Variants in GRIP1 observed in about 807,000 individuals in gnomAD.
GRIP1 encodes glutamate receptor interacting protein 1.
A neutral mutation model predicts 129.9 loss-of-function variants in GRIP1; 45 were observed. That is an observed-to-expected ratio of 0.35 (90% CI 0.27 to 0.44). The LOEUF (loss-of-function observed/expected upper bound fraction) is 0.44, where lower values mean the gene tolerates loss of function less well. Ranked by LOEUF, GRIP1 falls within the 20% of genes least tolerant of loss-of-function variation. GRIP1 has a pLI of 1.00. For synonymous variants in GRIP1, 530 were observed against 520.8 expected, an observed-to-expected ratio of 1.02 and a Z score of -0.24; for missense variants, 1,196 against 1,396.8, an observed-to-expected ratio of 0.86 and a Z score of 2.29.
At chr12:66,642,273 AGAGAACTC>A (rs2031999255) in intron 1 of GRIP1, among the ~76,000 whole-genome samples, 2 of 148,706 alleles carry the variant, frequency 1.3e-5, no homozygotes, top group South Asian at 4.2e-4. Flanking sequence ...GATGGAGAGG[AGAGAACTC>A]CAGCAAGAGG....
intron 11 of GRIP1, among the ~76,000 whole-genome samples, chr12:66,453,647 T>C (rs1415025658): frequency 6.6e-6 from 1 of 152,228 alleles, no homozygotes; most frequent in Non-Finnish European, 1.5e-5. Context: ...TAAACACATA[T>C]ACACATGCAA....
At chr12:66,384,187 G>C (rs547485233) in intron 19 of GRIP1, among the ~76,000 whole-genome samples, 1 of 143,140 alleles carries the variant, frequency 7.0e-6, no homozygotes, top group African/African-American at 2.6e-5. Flanking sequence ...TCTGACTTGC[G>C]TCTTATTTAA....
At chr12:66,966,926 T>C (rs2042006045) in intron 1 of GRIP1, among the ~76,000 whole-genome samples, 1 of 152,198 alleles carries the variant, frequency 6.6e-6, no homozygotes. Context: ...AGTGGAAAAT[T>C]ACCACTTTCT....
intron 7 of GRIP1, among the ~76,000 whole-genome samples, chr12:66,501,899 G>C (rs1046491224): frequency 1.3e-5 from 2 of 152,148 alleles, no homozygotes; most frequent in Admixed American, 6.6e-5. Flanking sequence ...TACACCTACT[G>C]TGAGAATGCT....
intron 1 of GRIP1, among the ~76,000 whole-genome samples, chr12:67,015,473 G>C (rs1280599150): frequency 6.6e-6 from 1 of 152,132 alleles, no homozygotes; most frequent in Non-Finnish European, 1.5e-5. Flanking sequence ...AGACAGACTG[G>C]CATCTTCACT....
chr12:66,459,351 A>G (rs1020703038), intron 9 of GRIP1, among the ~76,000 whole-genome samples: 1 of 152,220 alleles, frequency 6.6e-6, no homozygotes, highest in Non-Finnish European at 1.5e-5. Flanking sequence ...AGCAAGACGC[A>G]GTTATTACTG....
At chr12:66,410,331 G>C (rs2057351094) in intron 15 of GRIP1, among the ~76,000 whole-genome samples, 1 of 142,560 alleles carries the variant, frequency 7.0e-6, no homozygotes, top group Non-Finnish European at 1.5e-5. Context: ...CAGAGAAGAT[G>C]AAAGAAAAAA....
chr12:66,369,071 T>C (rs1199711312), intron 23 of GRIP1, among the ~76,000 whole-genome samples: 1 of 152,200 alleles, frequency 6.6e-6, no homozygotes, highest in Admixed American at 6.5e-5. Flanking sequence ...ACACCACTTA[T>C]TTTTTAGAGC....
At chr12:66,587,325 CAACCTTGGCCTTTGGAGGCA>C (rs1278990052) in intron 2 of GRIP1, among the ~76,000 whole-genome samples, 2 of 152,254 alleles carry the variant, frequency 1.3e-5, no homozygotes, top group African/African-American at 2.4e-5. Context: ...TCATGGAGGC[CAACCTTGGCCTTTGGAGGCA>C]ATGGAGGCCT....
intron 7 of GRIP1, among the ~76,000 whole-genome samples, chr12:66,469,566 T>TA (rs2059379972): frequency 6.6e-6 from 1 of 152,152 alleles, no homozygotes; most frequent in Non-Finnish European, 1.5e-5. Context: ...GCTTCCACAT[T>TA]AAGAAGTTTC....
At chr12:67,047,686 A>G (rs777741041) in intron 1 of GRIP1, among the ~76,000 whole-genome samples, 3 of 152,170 alleles carry the variant, frequency 2.0e-5, no homozygotes, top group Non-Finnish European at 4.4e-5. Flanking sequence ...AGCACTGCAC[A>G]TTTAGGTTGC....
chr12:66,564,844 T>C (rs1339799338), intron 2 of GRIP1, among the ~76,000 whole-genome samples: 2 of 152,224 alleles, frequency 1.3e-5, no homozygotes, highest in East Asian at 3.8e-4. Context: ...TGGTATCTCC[T>C]TGTGGTTTTG....
chr12:66,669,596 C>T (rs2033976086), intron 1 of GRIP1, among the ~76,000 whole-genome samples: 1 of 152,054 alleles, frequency 6.6e-6, no homozygotes, highest in Non-Finnish European at 1.5e-5. Context: ...TAATGAAAGC[C>T]ATCTATACAG....
intron 1 of GRIP1, among the ~76,000 whole-genome samples, chr12:66,726,053 A>G (rs1367423663): frequency 6.6e-6 from 1 of 152,294 alleles, no homozygotes; most frequent in East Asian, 1.9e-4. Context: ...TCACTGAATC[A>G]CTAATTATTG....
intron 23 of GRIP1, among the ~76,000 whole-genome samples, chr12:66,357,291 T>C (rs1282090344): frequency 6.6e-6 from 1 of 152,178 alleles, no homozygotes; most frequent in Non-Finnish European, 1.5e-5. Context: ...TTCTCGTCCT[T>C]CCCCCTGTGC....
At chr12:67,029,679 T>G (rs2042993042) in intron 1 of GRIP1, among the ~76,000 whole-genome samples, 1 of 151,988 alleles carries the variant, frequency 6.6e-6, no homozygotes, top group South Asian at 2.1e-4. Flanking sequence ...GATATAACAT[T>G]GCTTTGACTT....
At chr12:66,633,751 C>G (rs1442077076) in intron 1 of GRIP1, among the ~76,000 whole-genome samples, 3 of 152,196 alleles carry the variant, frequency 2.0e-5, no homozygotes, top group Non-Finnish European at 2.9e-5. Context: ...ATAAGCTGTG[C>G]TCTTACCCCC....
At chr12:66,618,847 T>C (rs1384874189) in intron 1 of GRIP1, among the ~76,000 whole-genome samples, 2 of 152,128 alleles carry the variant, frequency 1.3e-5, no homozygotes, top group Non-Finnish European at 2.9e-5. Flanking sequence ...TCATCATCTA[T>C]AGTAAAAACA....
At chr12:66,641,503 C>T (rs61134868) in intron 1 of GRIP1, among the ~76,000 whole-genome samples, 3,554 of 152,304 alleles carry the variant, frequency 0.023, 164 homozygotes, top group African/African-American at 0.081. Context: ...AATACACCTG[C>T]TTCACATATC....
Sources: allele counts gnomAD v4.1 joint callset (sites outside exome capture counted in the v4.1 genomes callset), GRCh38; gene constraint gnomAD v4.1.1; transcripts MANE v1.5; gene names NCBI Gene and HGNC (gene_info 2026-07-23, HGNC 2026-07-21).